APBA2: variants seen among roughly 807,000 people sequenced by gnomAD.
The protein encoded by APBA2 is amyloid beta precursor protein binding family A member 2.
APBA2 carries 30 observed loss-of-function variants against 75.0 expected under a neutral mutation model. The ratio of observed to expected loss-of-function variants is 0.40; its 90% CI spans 0.30 to 0.54. The LOEUF (loss-of-function observed/expected upper bound fraction) is 0.54, where lower values mean the gene tolerates loss of function less well. Ranked by LOEUF, APBA2 falls within the 20% of genes least tolerant of loss-of-function variation. The probability of loss-of-function intolerance (pLI) is 0.49; values close to 1 mark genes in which losing one functional copy is unlikely to be tolerated. For synonymous variants in APBA2, 444 were observed against 409.6 expected (o/e 1.08, Z -1.01); for missense variants, 801 against 1,016.1 (o/e 0.79, Z 2.88).
intron 2 of APBA2, among the ~76,000 whole-genome samples, chr15:28,969,897 C>G (rs2036974302): frequency 6.6e-6 from 1 of 152,264 alleles, no homozygotes; most frequent in Non-Finnish European, 1.5e-5. Context: ...TGCCAAGGCA[C>G]TGCCAGCTGC....
intron 10 of APBA2, chr15:29,102,439 T>G (rs1205207008): frequency 1.3e-5 from 2 of 155,158 alleles, no homozygotes; most frequent in African/African-American, 4.8e-5. Flanking sequence ...GTTTTGTGGC[T>G]GTTGCCAGAG....
At chr15:28,947,785 T>G (rs2035627678) in intron 2 of APBA2, among the ~76,000 whole-genome samples, 1 of 152,196 alleles carries the variant, frequency 6.6e-6, no homozygotes, top group African/African-American at 2.4e-5. Flanking sequence ...ACGATTGACT[T>G]TTTACTCAGT....
At chr15:29,063,014 T>G (rs1161511627) in intron 4 of APBA2, among the ~76,000 whole-genome samples, 1 of 16,974 alleles carries the variant, frequency 5.9e-5, no homozygotes, top group Non-Finnish European at 1.2e-4. Context: ...TCTGTATGGG[T>G]GGGGAGGGGA....
Position 28,991,497 on chromosome 15 carries a change from C to G in APBA2, c.-94-4256C>G, listed in dbSNP as rs566405834. 2.2e-4 allele frequency among the ~76,000 whole-genome samples: 34 copies of G among 152,334 alleles called. No homozygotes were observed. The South Asian group carries it at 6.8e-3, about 31-fold the overall frequency. On this transcript the variant is annotated intron_variant, in intron 2 of 14. Coordinates refer to ENST00000683413, the MANE Select transcript of APBA2 (RefSeq NM_001353788.2). This position sits in a 1 kb window ranked among gnomAD's most constrained non-coding sequence, Gnocchi z 4.7. ...CAGCTGCCCGGCCCCACTGTGAGGCCGCCCCTTGCAGGTGAGTTCACTGGC... is the reference window on the plus strand; with the variant it reads ...CAGCTGCCCGGCCCCACTGTGAGGCGGCCCCTTGCAGGTGAGTTCACTGGC...
intron 2 of APBA2, among the ~76,000 whole-genome samples, chr15:28,966,044 T>A (rs2036720324): frequency 6.6e-6 from 1 of 152,138 alleles, no homozygotes; most frequent in East Asian, 1.9e-4. Context: ...CTAGTTGGAG[T>A]CCATTTTGGT....
At chr15:29,060,896 A>C (rs1300872387) in intron 4 of APBA2, among the ~76,000 whole-genome samples, 1 of 152,042 alleles carries the variant, frequency 6.6e-6, no homozygotes, top group African/African-American at 2.4e-5. Flanking sequence ...GTGGCCCTCT[A>C]CTATCAGGCA....
chr15:29,102,275 T>C (rs572831713), intron 10 of APBA2: 60 of 216,126 alleles, frequency 2.8e-4, no homozygotes, highest in African/African-American at 1.4e-3. Context: ...TTTGGCTCCC[T>C]CCTTGGCTGG....
At chr15:29,114,091 C>A in intron 14 of APBA2, 75 bp downstream of exon 14, 1 of 1,600,582 alleles carries the variant, frequency 6.2e-7, no homozygotes, top group Admixed American at 1.7e-5. Flanking sequence ...GAGCCTCCCC[C>A]GCTCCAGAGG....
At chr15:29,039,658 G>A (rs764664977) in intron 3 of APBA2, among the ~76,000 whole-genome samples, 5 of 152,168 alleles carry the variant, frequency 3.3e-5, no homozygotes, top group East Asian at 1.9e-4. Context: ...TTCGTGTGGC[G>A]TGACCTTTCC....
intron 4 of APBA2, among the ~76,000 whole-genome samples, chr15:29,066,641 G>A (rs1218115892): frequency 1.3e-5 from 2 of 152,098 alleles, no homozygotes; most frequent in African/African-American, 4.8e-5. Context: ...GGTGATGGTC[G>A]CTCAACAGTG....
chr15:29,106,403 T>G, intron 11 of APBA2, among the ~76,000 whole-genome samples: 1 of 74,264 alleles, frequency 1.3e-5, no homozygotes, highest in African/African-American at 5.4e-5. Context: ...CCCAGGAAGG[T>G]GTGGGAGCCA....
intron 2 of APBA2, among the ~76,000 whole-genome samples, chr15:28,992,837 G>T (rs886128753): frequency 6.6e-6 from 1 of 152,218 alleles, no homozygotes. Context: ...ACCTGTGAAT[G>T]GCTACACTTG....
chr15:29,099,462 T>A (rs2044011999), intron 9 of APBA2, among the ~76,000 whole-genome samples: 1 of 152,172 alleles, frequency 6.6e-6, no homozygotes, highest in Admixed American at 6.5e-5. Context: ...CCAGGGAAGC[T>A]CATAGACACT....
chr15:29,028,651 G>A (rs1057440790), intron 3 of APBA2, among the ~76,000 whole-genome samples: 2 of 152,072 alleles, frequency 1.3e-5, no homozygotes, highest in African/African-American at 2.4e-5. Flanking sequence ...CTATTTCCCC[G>A]AAACCTCGCC....
chr15:29,021,253 G>A (rs981910372), intron 3 of APBA2, among the ~76,000 whole-genome samples: 10 of 152,258 alleles, frequency 6.6e-5, no homozygotes, highest in African/African-American at 2.4e-4. Context: ...TGGGGGCCAG[G>A]CACAGTGGCT....
chr15:28,890,648 T>C (rs530847467), intron 1 of APBA2, among the ~76,000 whole-genome samples: 1 of 152,274 alleles, frequency 6.6e-6, no homozygotes, highest in East Asian at 1.9e-4. Context: ...TAACAGGAGC[T>C]CAGTTCCAGC....
intron 2 of APBA2, among the ~76,000 whole-genome samples, chr15:28,931,820 C>T (rs974419783): frequency 1.3e-5 from 2 of 152,102 alleles, no homozygotes; most frequent in African/African-American, 4.8e-5. Context: ...CTTAATTGTA[C>T]GTATTTGGAG....
chr15:29,021,420 C>T (rs561012463), intron 3 of APBA2, among the ~76,000 whole-genome samples: 333 of 152,116 alleles, frequency 2.2e-3, no homozygotes, highest in African/African-American at 7.2e-3. Flanking sequence ...GCCAGCTACT[C>T]GGGAGGCTGA....
rs774705861 is a variant in APBA2 at position 29,101,712 on chromosome 15, C to T, written c.1452C>T (p.Ile484=). 17 of 1,613,568 alleles carry T rather than the reference C, an allele frequency of 1.1e-5. No individual in the cohort carries two copies. The highest frequency in any genetic ancestry group is 8.0e-5 in the African/African-American group (6 of 74,942). Residue 484 remains isoleucine (I), a synonymous_variant, in exon 10 of 15, where the codon ATC becomes ATT. Transcript: ENST00000683413. ...CCCGGTCAGCCTCTCAGGACTGCAT[C>T]GAGACCACGCCCGGGGCCCAGGAAG... is the stretch of plus-strand genomic sequence containing the variant. ...RMPRSASQDC[I]ETTPGAQEGK... is the part of the protein sequence containing the mutation.
Sources: gnomAD v4.1 joint callset for allele counts (sites outside exome capture counted in the v4.1 genomes callset) on GRCh38, gnomAD v4.1.1 for gene constraint, Gnocchi (gnomAD v3.1) non-coding constraint, MANE v1.5 for transcripts, NCBI Gene and HGNC (gene_info 2026-07-23, HGNC 2026-07-21) for gene names.